UBE2R2: variants seen among roughly 807,000 people sequenced by gnomAD.
The protein encoded by UBE2R2 is ubiquitin conjugating enzyme E2 R2.
A neutral mutation model predicts 27.8 loss-of-function variants in UBE2R2; 1 was observed. The observed-to-expected ratio is 0.04, with a 90% CI of 0.01 to 0.17. The LOEUF is 0.17. Ranked by LOEUF, UBE2R2 falls within the 10% of genes least tolerant of loss-of-function variation. The pLI is 1.00. For synonymous variants in UBE2R2, 106 were observed against 113.3 expected (o/e 0.94, Z 0.41); for missense variants, 100 against 291.0 (o/e 0.34, Z 4.78).
rs1825835594 is a variant in UBE2R2, at chr9:33,817,713, G to A, written c.-45G>A. On this transcript the variant is annotated 5_prime_UTR_variant, in exon 1 of 5. Coordinates refer to ENST00000263228, the MANE Select transcript of UBE2R2 (RefSeq NM_017811.4). ...CTGGTCCGGCCCGGCCGGTGCGTGA[G>A]GACTGGGGCCCGGGCCCGGCGCCGC... 3.5e-6 allele frequency: 5 copies of A among 1,447,522 alleles called. No homozygotes were observed. The highest frequency in any genetic ancestry group is 1.3e-5 in the South Asian group (1 of 76,060). The allele number at this position is 1,447,522 out of a possible 1,614,324, so 89.7% of individuals were successfully genotyped here. A position where few individuals can be genotyped will look rare whatever the true frequency, so the allele number is the denominator to read the frequency against.
chr9:33,893,821 G>A (rs372141512), intron 2 of UBE2R2, among the ~76,000 whole-genome samples: 24 of 152,042 alleles, frequency 1.6e-4, no homozygotes, highest in African/African-American at 5.8e-4. Context: ...TAGTAGAGAC[G>A]GGATTTTGCC....
chr9:33,865,692 CTA>C (rs1030505480), intron 1 of UBE2R2, among the ~76,000 whole-genome samples: 4 of 152,072 alleles, frequency 2.6e-5, no homozygotes, highest in African/African-American at 7.2e-5. Context: ...ATTAATATAA[CTA>C]TGTAAATAAT....
chr9:33,865,825 GT>G (rs550873521), intron 1 of UBE2R2, among the ~76,000 whole-genome samples: 5 of 143,154 alleles, frequency 3.5e-5, no homozygotes, highest in Non-Finnish European at 6.1e-5. Context: ...TTTTTTGTGT[GT>G]TTTTTTTTGT....
At chr9:33,828,939 T>G (rs1234646142) in intron 1 of UBE2R2, among the ~76,000 whole-genome samples, 2 of 152,134 alleles carry the variant, frequency 1.3e-5, no homozygotes, top group Non-Finnish European at 2.9e-5. Context: ...TTCACCCTGT[T>G]GGCCAGACTC....
At chr9:33,890,540 G>A (rs987989588) in intron 2 of UBE2R2, among the ~76,000 whole-genome samples, 4 of 151,304 alleles carry the variant, frequency 2.6e-5, no homozygotes, top group African/African-American at 7.3e-5. Flanking sequence ...GGCCGGGCTC[G>A]GTGGCTCACG....
intron 1 of UBE2R2, among the ~76,000 whole-genome samples, chr9:33,864,218 G>GA (rs1391036515): frequency 6.6e-6 from 1 of 152,118 alleles, no homozygotes; most frequent in East Asian, 1.9e-4. Flanking sequence ...AAACGGAAAG[G>GA]AAAAACTTCT....
chr9:33,878,619 A>G (rs1217514417), intron 1 of UBE2R2, among the ~76,000 whole-genome samples: 1 of 152,186 alleles, frequency 6.6e-6, no homozygotes, highest in Non-Finnish European at 1.5e-5. Context: ...CCCCGTCTCA[A>G]ATTTACAAAA....
At position 33,817,643 on chromosome 9, in the gene UBE2R2, G is replaced by A; in HGVS notation, c.-115G>A. The A allele has an allele frequency of 9.0e-7, 1 of 1,117,300 alleles. No individual in the cohort carries two copies. Among genetic ancestry groups the A allele is most frequent in the Non-Finnish European group, 1.1e-6 (1 of 915,286 alleles). The allele number at this position is 1,117,300 out of a possible 1,614,324, so 69.2% of individuals were successfully genotyped here. On this transcript the variant is annotated 5_prime_UTR_variant, in exon 1 of 5. Transcript: ENST00000263228. ...CTGGCCCGCCGGGTGTGTGAAGACC[G>A]GGGCCCGGTGCTGCCCGGCCGGAGG... is the stretch of plus-strand genomic sequence containing the variant.
intron 2 of UBE2R2, among the ~76,000 whole-genome samples, chr9:33,887,353 C>G (rs980339514): frequency 1.3e-5 from 2 of 152,130 alleles, no homozygotes; most frequent in African/African-American, 2.4e-5. Context: ...AGAGATTCAG[C>G]TTTTGGTAGG....
At chr9:33,913,376 G>A (rs1822538815) in intron 4 of UBE2R2, among the ~76,000 whole-genome samples, 1 of 151,580 alleles carries the variant, frequency 6.6e-6, no homozygotes, top group Non-Finnish European at 1.5e-5. Context: ...CTCCCACCTG[G>A]GCCTCCTGAG....
chr9:33,880,409 A>G (rs1210939182), intron 1 of UBE2R2, among the ~76,000 whole-genome samples: 2 of 152,072 alleles, frequency 1.3e-5, no homozygotes, highest in African/African-American at 4.8e-5. Context: ...GTAATTTCCA[A>G]ATGTTTGGGG....
intron 1 of UBE2R2, among the ~76,000 whole-genome samples, chr9:33,846,850 A>T (rs1336813860): frequency 6.6e-6 from 1 of 152,120 alleles, no homozygotes; most frequent in Non-Finnish European, 1.5e-5. Context: ...ATTTTCCTTA[A>T]CAGTGTTTCT....
chr9:33,823,533 G>T (rs992210462), intron 1 of UBE2R2, among the ~76,000 whole-genome samples: 1 of 151,966 alleles, frequency 6.6e-6, no homozygotes, highest in East Asian at 1.9e-4. Flanking sequence ...GTGCCAGCAC[G>T]CCCGGTTAAT....
At chr9:33,835,151 T>TG (rs1159845305) in intron 1 of UBE2R2, among the ~76,000 whole-genome samples, 1 of 148,594 alleles carries the variant, frequency 6.7e-6, no homozygotes, top group African/African-American at 2.5e-5. Context: ...GTAGGTTTTT[T>TG]TTTTTTTTTT....
intron 2 of UBE2R2, among the ~76,000 whole-genome samples, chr9:33,890,426 G>C (rs1821953787): frequency 6.6e-6 from 1 of 152,092 alleles, no homozygotes; most frequent in Non-Finnish European, 1.5e-5. Context: ...CATCAGCTGG[G>C]TGTGGTGGCA....
At chr9:33,842,771 G>A (rs911012763) in intron 1 of UBE2R2, among the ~76,000 whole-genome samples, 1 of 151,658 alleles carries the variant, frequency 6.6e-6, no homozygotes, top group African/African-American at 2.4e-5. Flanking sequence ...TAAAGAGTAC[G>A]TGGAAGCGCT....
At position 33,910,633 on chromosome 9, in the gene UBE2R2, G is replaced by A. The variant is rs186419371; in HGVS notation, c.363-1331G>A. On this transcript the variant is annotated intron_variant, in intron 3 of 4. Transcript: ENST00000263228. Reference sequence around the variant, plus strand: ...CACTTGGTGCCTCTGGCACACAGTAGGTACATAGTAAATACTTTTGAATAA... The same window carrying A: ...CACTTGGTGCCTCTGGCACACAGTAAGTACATAGTAAATACTTTTGAATAA... 1.1e-3 allele frequency among the ~76,000 whole-genome samples: 170 copies of A among 152,260 alleles called. 1 individual carries two copies. Among genetic ancestry groups the A allele is most frequent in the African/African-American group, 3.9e-3 (160 of 41,546 alleles).
At chr9:33,884,218 C>G (rs913891391) in intron 1 of UBE2R2, among the ~76,000 whole-genome samples, 1 of 145,508 alleles carries the variant, frequency 6.9e-6, no homozygotes, top group African/African-American at 2.5e-5. Context: ...CTCTCTCTCT[C>G]TCTCTCTCTC....
At chr9:33,819,565 T>C (rs1279872863) in intron 1 of UBE2R2, among the ~76,000 whole-genome samples, 6 of 152,236 alleles carry the variant, frequency 3.9e-5, no homozygotes, top group Non-Finnish European at 7.3e-5. Context: ...TGATGAAGCA[T>C]ATTCTCTGTT....
Sources: allele counts gnomAD v4.1 joint callset (sites outside exome capture counted in the v4.1 genomes callset), GRCh38; gene constraint gnomAD v4.1.1; transcripts MANE v1.5; gene names NCBI Gene and HGNC (gene_info 2026-07-23, HGNC 2026-07-21).